TSNARE1: variants seen among roughly 807,000 people sequenced by gnomAD.
The protein encoded by TSNARE1 is t-SNARE domain-containing protein 1.
TSNARE1 carries 49 observed loss-of-function variants against 62.0 expected under a neutral mutation model. The observed-to-expected ratio is 0.79, with a 90% CI of 0.63 to 1.00. TSNARE1 has a LOEUF of 1.00. TSNARE1 is among the 50% of genes least tolerant of loss of function. The pLI is 0.00. For synonymous variants in TSNARE1, 328 were observed against 294.4 expected (o/e 1.11, Z -1.17); for missense variants, 755 against 700.1 (o/e 1.08, Z -0.88).
At chr8:142,231,203 C>A (rs1817100673) in intron 12 of TSNARE1, among the ~76,000 whole-genome samples, 1 of 152,198 alleles carries the variant, frequency 6.6e-6, no homozygotes, top group South Asian at 2.1e-4. Context: ...TGAAAATGAC[C>A]AATTGCTGAA....
intron 4 of TSNARE1, among the ~76,000 whole-genome samples, chr8:142,338,094 C>T (rs555613628): frequency 2.0e-5 from 3 of 152,346 alleles, no homozygotes; most frequent in African/African-American, 7.2e-5. Flanking sequence ...CAAAACGAAA[C>T]GTCAGCAGCG....
intron 5 of TSNARE1, 58 bp from the exon 6 acceptor site, chr8:142,331,028 C>A: frequency 6.6e-7 from 1 of 1,526,272 alleles, no homozygotes. Context: ...CCCCCTGCTA[C>A]TCCATATGGG....
chr8:142,315,999 G>C (rs1402671112), intron 7 of TSNARE1, among the ~76,000 whole-genome samples: 1 of 152,202 alleles, frequency 6.6e-6, no homozygotes, highest in Admixed American at 6.5e-5. Context: ...GAAACTGCCT[G>C]CACGGACCAC....
chr8:142,278,665 C>T (rs1820901333), intron 11 of TSNARE1: 1 of 985,452 alleles, frequency 1.0e-6, no homozygotes, highest in South Asian at 4.7e-5. Context: ...CAGCTGCGGG[C>T]TGCAGACGAG....
intron 5 of TSNARE1, 31 bp from the exon 6 acceptor site, chr8:142,331,001 CAGA>C: frequency 6.2e-7 from 1 of 1,607,242 alleles, no homozygotes; most frequent in Non-Finnish European, 8.5e-7. Context: ...AGGGTGAGGG[CAGA>C]AGGAGCTTCC....
chr8:142,233,822 C>A (rs1203860341), intron 12 of TSNARE1, among the ~76,000 whole-genome samples: 1 of 152,166 alleles, frequency 6.6e-6, no homozygotes, highest in African/African-American at 2.4e-5. Flanking sequence ...GATGCCTTCC[C>A]AGATGTCCCA....
intron 12 of TSNARE1, chr8:142,272,866 C>T: frequency 1.0e-6 from 1 of 984,010 alleles, no homozygotes; most frequent in African/African-American, 1.8e-5. Context: ...TTCACAGATG[C>T]CTCAACCCTC....
intron 12 of TSNARE1, among the ~76,000 whole-genome samples, chr8:142,263,730 A>C (rs1819002827): frequency 6.6e-6 from 1 of 152,164 alleles, no homozygotes; most frequent in African/African-American, 2.4e-5. Flanking sequence ...TTTTCTAGGA[A>C]TCTGTCTATT....
chr8:142,217,286 GAAGA>G (rs141776284), intron 13 of TSNARE1, among the ~76,000 whole-genome samples: 9,200 of 83,388 alleles, frequency 0.11, 1,181 homozygotes, highest in African/African-American at 0.29. Flanking sequence ...AAAATAAAAA[GAAGA>G]AAGAAAGAAA....
rs552823785 is a variant in TSNARE1, at chr8:142,320,848, A to G, written c.894-2214T>C. Among the ~76,000 whole-genome samples, 3 of 152,260 alleles carry G rather than the reference A, an allele frequency of 2.0e-5. No homozygotes were observed. The South Asian group carries it at 6.2e-4, about 32-fold the overall frequency. On this transcript the variant is annotated intron_variant, in intron 6 of 13. Coordinates refer to ENST00000524325, the MANE Select transcript of TSNARE1 (RefSeq NM_145003.5). The stretch of plus-strand genomic sequence containing the variant: ...GACCTCTCCACTCCTCTAGACTCCC[A>G]TGTGGCAGGGGCTCTCACTCATGCC...
chr8:142,248,237 G>C (rs907795365), intron 12 of TSNARE1, among the ~76,000 whole-genome samples: 1 of 152,220 alleles, frequency 6.6e-6, no homozygotes, highest in Non-Finnish European at 1.5e-5. Context: ...GCTGTGAGAA[G>C]TAAATCTCTG....
intron 1 of TSNARE1, among the ~76,000 whole-genome samples, chr8:142,390,103 T>C (rs1191720332): frequency 6.6e-6 from 1 of 152,244 alleles, no homozygotes. Context: ...TTTTAAGGAT[T>C]TTTTTAAATG....
At chr8:142,279,867 G>A in intron 11 of TSNARE1, 3 of 1,030,090 alleles carry the variant, frequency 2.9e-6, no homozygotes, top group Non-Finnish European at 3.5e-6. Flanking sequence ...TACTTGGCAG[G>A]GGCTCCGTGG....
chr8:142,358,355 C>T (rs1834910541), intron 1 of TSNARE1, among the ~76,000 whole-genome samples: 1 of 152,120 alleles, frequency 6.6e-6, no homozygotes, highest in Non-Finnish European at 1.5e-5. Flanking sequence ...GCACAGGAAG[C>T]TTGAGGAGGG....
chr8:142,276,775 C>T (rs1322019161), intron 11 of TSNARE1: 1 of 985,302 alleles, frequency 1.0e-6, no homozygotes, highest in Non-Finnish European at 1.2e-6. Context: ...GGACTGATGT[C>T]CTGCTGCTCC....
chr8:142,267,039 T>C (rs1416262181), intron 12 of TSNARE1, among the ~76,000 whole-genome samples: 1 of 152,250 alleles, frequency 6.6e-6, no homozygotes, highest in African/African-American at 2.4e-5. Flanking sequence ...ATCTTATTGC[T>C]CATTTTTGTG....
intron 12 of TSNARE1, among the ~76,000 whole-genome samples, chr8:142,248,841 C>T (rs1818016301): frequency 6.6e-6 from 1 of 152,254 alleles, no homozygotes; most frequent in African/African-American, 2.4e-5. Context: ...TTGCAGGCTC[C>T]TGCCAGTCAC....
At position 142,403,130 on chromosome 8, in the gene TSNARE1, T is replaced by A. The variant is rs1023809768; in HGVS notation, c.-66A>T. The A allele has an allele frequency of 3.4e-5, 5 of 148,442 alleles. No homozygotes were observed. Among genetic ancestry groups the A allele is most frequent in the African/African-American group, 1.2e-4 (5 of 40,848 alleles). The allele number at this position is 148,442 out of a possible 1,614,324, so 9.2% of individuals were successfully genotyped here. A position where few individuals can be genotyped will look rare whatever the true frequency, so the allele number is the denominator to read the frequency against. ...TGGGCCTCGGTGGCTCGCGGACCGC[T>A]CCGGGCGCTCACGGCGGGCGAGGCG... On this transcript the variant is annotated 5_prime_UTR_variant, in exon 1 of 14. Transcript: ENST00000524325.
At chr8:142,342,917 G>A (rs888649758) in intron 4 of TSNARE1, among the ~76,000 whole-genome samples, 5 of 145,762 alleles carry the variant, frequency 3.4e-5, no homozygotes, top group African/African-American at 7.7e-5. Context: ...GAGCTCAGAC[G>A]CCGTGCCTAC....
Sources: gnomAD v4.1 joint callset for allele counts (sites outside exome capture counted in the v4.1 genomes callset) on GRCh38, gnomAD v4.1.1 for gene constraint, MANE v1.5 for transcripts, NCBI Gene and HGNC (gene_info 2026-07-23, HGNC 2026-07-21) for gene names.